Variants in SNPH observed in about 807,000 individuals in gnomAD.
SNPH encodes the protein syntaphilin.
SNPH carries 10 observed loss-of-function variants against 36.8 expected under a neutral mutation model. The observed-to-expected ratio is 0.27, with a 90% confidence interval of 0.17 to 0.46. The LOEUF is 0.46. Ranked by LOEUF, SNPH falls within the 20% of genes least tolerant of loss-of-function variation. The pLI is 1.00. For synonymous variants in SNPH, 281 were observed against 312.2 expected (o/e 0.90, Z 1.05); for missense variants, 622 against 744.0 (o/e 0.84, Z 1.91).
chr20:1,297,078 T>C, intron 4 of SNPH, 67 bp from the exon 5 acceptor site: 2 of 1,536,334 alleles, frequency 1.3e-6, no homozygotes, highest in Non-Finnish European at 1.8e-6. Flanking sequence ...GGCCTGGCAG[T>C]GTTCGCCCAG....
At chr20:1,284,721 G>A (rs1480545870) in intron 2 of SNPH, among the ~76,000 whole-genome samples, 2 of 152,124 alleles carry the variant, frequency 1.3e-5, no homozygotes, top group African/African-American at 2.4e-5. Flanking sequence ...GAGGGGATGT[G>A]CAAGAAGGCA....
chr20:1,273,447 TC>T (rs2088095520), intron 2 of SNPH, among the ~76,000 whole-genome samples: 2 of 152,202 alleles, frequency 1.3e-5, no homozygotes, highest in South Asian at 4.1e-4. Context: ...TTACAACCAT[TC>T]ATTCAACCAA....
At chr20:1,286,563 A>T (rs1304826953) in intron 2 of SNPH, among the ~76,000 whole-genome samples, 1 of 152,196 alleles carries the variant, frequency 6.6e-6, no homozygotes, top group Non-Finnish European at 1.5e-5. Context: ...GGCTTCCAAC[A>T]GGAGCGGCAT....
In SNPH at chr20:1,287,902, C is replaced by T. The variant is rs529468200; in HGVS notation, c.-492-7049C>T. Among the ~76,000 whole-genome samples the T allele has an allele frequency of 2.0e-3, 310 of 152,334 alleles. 3 individuals carry two copies. The highest frequency in any genetic ancestry group is 6.9e-3 in the African/African-American group (287 of 41,588). The stretch of plus-strand genomic sequence containing the variant: ...AAGGTTGCTGAAGGGCCTCCATCTG[C>T]CAGGAGCCACTAGCCAGGCAGCCAC... On this transcript the variant is annotated intron_variant, in intron 2 of 6. Transcript: ENST00000381867.
rs1472106810 is a variant in SNPH, at chr20:1,294,846, T to C, written c.-492-105T>C. The C allele has an allele frequency of 6.6e-6, 1 of 151,988 alleles. No individual in the cohort carries two copies. The allele number at this position is 151,988 out of a possible 1,614,324, so 9.4% of individuals were successfully genotyped here. On this transcript the variant is annotated intron_variant, in intron 2 of 6. Coordinates refer to ENST00000381867, the MANE Select transcript of SNPH (RefSeq NM_001318234.2). The surrounding 1 kb of genome is among the most constrained non-coding windows in gnomAD (Gnocchi z 4.4). ...ATCTGATGTTGACCTGGTTTCGATA[T>C]TGGCTCTGCCACACACCTGGGATGT... is the stretch of plus-strand genomic sequence containing the variant.
At position 1,296,332 on chromosome 20, in the gene SNPH, G is replaced by A. The variant is rs776344518; in HGVS notation, c.93G>A (p.Gly31=). Residue 31 remains glycine, a synonymous_variant, in exon 4 of 7, where the codon GGG becomes GGA. Coordinates refer to ENST00000381867, the MANE Select transcript of SNPH (RefSeq NM_001318234.2). ...CCCGCCCTCTCTCCTCAGCCCCCGG[G>A]ATACCGCCCATCCCACCCCTTACTC... The part of the protein sequence containing the change: ...PPTRPLSSAP[G]IPPIPPLTRT... The A allele has an allele frequency of 2.5e-6, 4 of 1,597,278 alleles. No homozygotes were observed. The highest frequency in any genetic ancestry group is 3.5e-5 in the Admixed American group (2 of 56,710).
chr20:1,267,504 G>A (rs1249283820), intron 2 of SNPH, among the ~76,000 whole-genome samples: 1 of 152,176 alleles, frequency 6.6e-6, no homozygotes, highest in South Asian at 2.1e-4. Context: ...AGGCAGAGTC[G>A]TGTAAGGAAA....
chr20:1,298,699 C>T (rs1382039440), intron 5 of SNPH, among the ~76,000 whole-genome samples: 1 of 152,146 alleles, frequency 6.6e-6, no homozygotes, highest in Non-Finnish European at 1.5e-5. Flanking sequence ...GTTGCTGCCC[C>T]TGGGTGAGCA....
chr20:1,266,805 C>G lies in SNPH; in HGVS notation c.-493+45C>G, dbSNP rs1280627824. On this transcript the variant is annotated intron_variant, in intron 2 of 6. Transcript: ENST00000381867. This position sits in a 1 kb window ranked among gnomAD's most constrained non-coding sequence, Gnocchi z 6.0. ...GCGGGGAGCTGGCCCTGCGCTGCAC[C>G]GCGGCAGGTGGGGGCCGCTTGCAAC... 1.5e-6 allele frequency: 2 copies of G among 1,308,378 alleles called. No individual in the cohort carries two copies. Among genetic ancestry groups the G allele is most frequent in the Non-Finnish European group, 1.9e-6 (2 of 1,028,054 alleles). The allele number at this position is 1,308,378 out of a possible 1,614,324, so 81.0% of individuals were successfully genotyped here.
intron 2 of SNPH, among the ~76,000 whole-genome samples, chr20:1,281,638 T>C (rs2088224800): frequency 1.3e-5 from 2 of 152,324 alleles, no homozygotes; most frequent in East Asian, 1.9e-4. Flanking sequence ...AGCTCCTGGG[T>C]ACCTGGAGAA....
chr20:1,267,435 G>A (rs1290796978), intron 2 of SNPH, among the ~76,000 whole-genome samples: 1 of 152,164 alleles, frequency 6.6e-6, no homozygotes, highest in Admixed American at 6.5e-5. Context: ...TGCCTTCTCT[G>A]CCCATCTGGT....
intron 2 of SNPH, among the ~76,000 whole-genome samples, chr20:1,280,111 G>C (rs1332701297): frequency 1.3e-5 from 2 of 152,234 alleles, no homozygotes; most frequent in Non-Finnish European, 2.9e-5. Context: ...GGTGCCCACA[G>C]CTTTTCTGCG....
intron 5 of SNPH, 142 bp downstream of exon 5, chr20:1,297,394 A>C (rs912755149): frequency 6.0e-6 from 4 of 663,378 alleles, no homozygotes; most frequent in Admixed American, 3.0e-5. Flanking sequence ...TGAGCAGATC[A>C]TTTCTCCTTT....
chr20:1,277,527 GTCTGTGCATGTGTGTCTGTGTGTGTATC>G (rs2088148098), intron 2 of SNPH, among the ~76,000 whole-genome samples: 1 of 141,912 alleles, frequency 7.0e-6, no homozygotes, highest in African/African-American at 2.7e-5. Context: ...CTGTGTGTCT[GTCTGTGCATGTGTGTCTGTGTGTGTATC>G]TGTGTGTGTG....
chr20:1,269,510 G>A (rs529155623), intron 2 of SNPH, among the ~76,000 whole-genome samples: 7 of 152,272 alleles, frequency 4.6e-5, no homozygotes, highest in South Asian at 4.1e-4. Context: ...CAAAGGTTTC[G>A]CTGCCTCTTC....
chr20:1,277,111 C>T (rs1004830723), intron 2 of SNPH, among the ~76,000 whole-genome samples: 4 of 152,128 alleles, frequency 2.6e-5, no homozygotes, highest in African/African-American at 9.7e-5. Context: ...ATATTAGGGG[C>T]ATGTGGCGAA....
Position 1,305,441 on chromosome 20 carries a change from A to G in SNPH, c.1004A>G (p.Asn335Ser). Reference sequence around the variant, plus strand: ...CTGGGCCCCCGCTTCCCTGCCAGCAACACCTATGAGAAGCTGCTGTGTGGC... The same window carrying G: ...CTGGGCCCCCGCTTCCCTGCCAGCAGCACCTATGAGAAGCTGCTGTGTGGC... Reference protein sequence around the residue: ...FGLGPRFPASNTYEKLLCGME... With the variant: ...FGLGPRFPASSTYEKLLCGME... Residue 335 changes from asparagine (N) to serine (S), a missense_variant, in exon 7 of 7, where the codon AAC becomes AGC. Coordinates refer to ENST00000381867, the MANE Select transcript of SNPH (RefSeq NM_001318234.2). 1 of 1,613,226 alleles carries G rather than the reference A, an allele frequency of 6.2e-7. No individual in the cohort carries two copies. The highest frequency in any genetic ancestry group is 8.5e-7 in the Non-Finnish European group (1 of 1,180,040).
chr20:1,269,956 A>G (rs895019029), intron 2 of SNPH, among the ~76,000 whole-genome samples: 6 of 152,254 alleles, frequency 3.9e-5, no homozygotes, highest in African/African-American at 1.4e-4. Flanking sequence ...CCAGTGTATC[A>G]TAGAACCTAG....
intron 5 of SNPH, among the ~76,000 whole-genome samples, chr20:1,298,458 C>T (rs2088465909): frequency 1.3e-5 from 2 of 152,228 alleles, no homozygotes; most frequent in South Asian, 4.1e-4. Context: ...GGGTAACACC[C>T]ATGTGCAGGA....
Sources: gnomAD v4.1 joint callset for allele counts (sites outside exome capture counted in the v4.1 genomes callset) on GRCh38, gnomAD v4.1.1 for gene constraint, Gnocchi (gnomAD v3.1) non-coding constraint, MANE v1.5 for transcripts, NCBI Gene and HGNC (gene_info 2026-07-23, HGNC 2026-07-21) for gene names.